Variants in XCR1 observed in about 807,000 individuals in gnomAD.
The protein encoded by XCR1 is chemokine XC receptor 1.
For missense variants in XCR1, 356 were observed against 424.2 expected, an observed-to-expected ratio of 0.84 and a Z score of 1.41; for synonymous variants, 187 against 188.5, an observed-to-expected ratio of 0.99 and a Z score of 0.06.
At chr3:46,029,766 G>A (rs72887154), upstream of XCR1, among the ~76,000 whole-genome samples, 13,245 of 152,204 alleles carry the variant, frequency 0.087, 1,957 homozygotes, top group African/African-American at 0.3. Flanking sequence ...GAGTATTGCC[G>A]TTTTAACAAT....
At chr3:46,070,868 T>C (rs1050019033) in intron 3 of XCR1, among the ~76,000 whole-genome samples, 10 of 152,164 alleles carry the variant, frequency 6.6e-5, no homozygotes, top group Admixed American at 5.2e-4. Flanking sequence ...GTCTGTTGTC[T>C]TTGTGGTTTG....
chr3:46,033,597 T>C (rs1697347052), intron 5 of XCR1, among the ~76,000 whole-genome samples: 1 of 152,230 alleles, frequency 6.6e-6, no homozygotes, highest in African/African-American at 2.4e-5. Context: ...TAAAGTTTGG[T>C]AATGCTAGGC....
intron 5 of XCR1, among the ~76,000 whole-genome samples, chr3:46,040,753 C>T (rs1575419511): frequency 6.6e-6 from 1 of 152,112 alleles, no homozygotes; most frequent in African/African-American, 2.4e-5. Flanking sequence ...TTATAATCAG[C>T]TTCAGTCTAG....
chr3:46,052,702 C>A (rs1294618015), intron 5 of XCR1, among the ~76,000 whole-genome samples: 1 of 152,176 alleles, frequency 6.6e-6, no homozygotes, highest in East Asian at 1.9e-4. Flanking sequence ...TTCCCAAGTT[C>A]TTTGTACACC....
chr3:46,063,111 T>C (rs1697996412), intron 4 of XCR1, among the ~76,000 whole-genome samples: 1 of 152,206 alleles, frequency 6.6e-6, no homozygotes, highest in African/African-American at 2.4e-5. Context: ...ATTATTATCC[T>C]AGCTGCTATA....
chr3:46,066,844 G>A (rs1698086048), intron 4 of XCR1, among the ~76,000 whole-genome samples: 1 of 152,212 alleles, frequency 6.6e-6, no homozygotes, highest in African/African-American at 2.4e-5. Context: ...TTATAACACC[G>A]ACTTTACTGA....
At chr3:46,042,223 A>G (rs539800754) in intron 5 of XCR1, among the ~76,000 whole-genome samples, 1 of 152,342 alleles carries the variant, frequency 6.6e-6, no homozygotes, top group East Asian at 1.9e-4. Flanking sequence ...TATAAAGAAG[A>G]AATATCTCAA....
rs370879585 is a variant in XCR1, at chr3:46,021,560, A to C, written c.388T>G (p.Ser130Ala). 8.8e-5 allele frequency: 141 copies of C among 1,610,926 alleles called. 1 individual carries two copies. The East Asian group carries it at 2.0e-3, about 22-fold the overall frequency. The change falls in exon 2 of 2, where the codon TCG (serine) becomes GCG (alanine). Residue 130 changes from serine to alanine, a missense_variant. By Grantham distance (99) the Ser-to-Ala change is moderately conservative. Coordinates refer to ENST00000309285, the MANE Select transcript of XCR1 (RefSeq NM_001024644.2). The surrounding 1 kb of genome is among the most constrained non-coding windows in gnomAD (Gnocchi z 4.7). Reference protein sequence around the residue: ...LTIMTIHRYLSVVSPLSTLRV... With the variant: ...LTIMTIHRYLAVVSPLSTLRV... ...AGGGTGGAGAGGGGGCTCACTACCG[A>C]CAGGTAGCGGTGGATGGTCATGATG...
At chr3:46,026,021 C>T (rs1256726121) in intron 1 of XCR1, among the ~76,000 whole-genome samples, 1 of 152,028 alleles carries the variant, frequency 6.6e-6, no homozygotes, top group Non-Finnish European at 1.5e-5. Flanking sequence ...TGTTTTAATA[C>T]ATGAAAATCA....
intron 5 of XCR1, among the ~76,000 whole-genome samples, chr3:46,038,029 TG>T (rs1697467391): frequency 2.8e-5 from 3 of 108,198 alleles, no homozygotes; most frequent in African/African-American, 1.9e-4. Context: ...GTTTGTTTTT[TG>T]TTTTTTTTTT....
chr3:46,020,193 G>A lies in XCR1; in HGVS notation c.*753C>T, dbSNP rs1196636995. 1 of 152,282 alleles carries A rather than the reference G, an allele frequency of 6.6e-6. No homozygotes were observed. Among genetic ancestry groups the A allele is most frequent in the Non-Finnish European group, 1.5e-5 (1 of 68,074 alleles). 9.4% of individuals were successfully genotyped at this position (152,282 alleles called of 1,614,324 possible). ...AAGGTAGGTGAGCCTTTGGAGCTGG[G>A]CTGTTGGCCCCTGGAGGGTAGCAAC... On this transcript the variant is annotated 3_prime_UTR_variant, in exon 2 of 2. Coordinates refer to ENST00000309285, the MANE Select transcript of XCR1 (RefSeq NM_001024644.2).
intron 3 of XCR1, among the ~76,000 whole-genome samples, chr3:46,073,257 T>C (rs1698192690): frequency 6.6e-6 from 1 of 152,078 alleles, no homozygotes; most frequent in South Asian, 2.1e-4. Flanking sequence ...AAGACAAAAA[T>C]AGACAAGTGG....
At chr3:46,031,118 A>G (rs1051103249), upstream of XCR1, among the ~76,000 whole-genome samples, 1 of 152,112 alleles carries the variant, frequency 6.6e-6, no homozygotes, top group Non-Finnish European at 1.5e-5. Context: ...TTGGTGGGAC[A>G]CGGAACTCCC....
At position 46,021,672 on chromosome 3, in the gene XCR1, G is replaced by T; in HGVS notation, c.276C>A (p.His92Gln). The T allele has an allele frequency of 1.2e-6, 2 of 1,613,026 alleles. No individual in the cohort carries two copies. The highest frequency in any genetic ancestry group is 1.7e-6 in the Non-Finnish European group (2 of 1,179,660). Residue 92 changes from histidine to glutamine, a missense_variant, in exon 2 of 2, where the codon CAC (histidine) becomes CAA (glutamine). Transcript: ENST00000309285. The surrounding 1 kb of genome is among the most constrained non-coding windows in gnomAD (Gnocchi z 4.7). The part of the protein sequence containing the change: ...CLLPVWISPY[H>Q]WGWVLGDFLC... ...GGAAGTCTCCCAGCACCCAGCCCCA[G>T]TGGTATGGGGAGATCCACACAGGCA...
At chr3:46,055,016 G>A (rs1034229625) in intron 4 of XCR1, among the ~76,000 whole-genome samples, 7 of 152,218 alleles carry the variant, frequency 4.6e-5, no homozygotes, top group Admixed American at 2.6e-4. Flanking sequence ...AGGGTGGGAG[G>A]AAGAAGGTCT....
upstream of XCR1, among the ~76,000 whole-genome samples, chr3:46,031,707 G>A (rs537236819): frequency 1.3e-5 from 2 of 152,352 alleles, no homozygotes; most frequent in South Asian, 4.1e-4. Flanking sequence ...AACCACAGGG[G>A]GACCTTTTGG....
intron 5 of XCR1, among the ~76,000 whole-genome samples, chr3:46,046,424 T>C (rs1697628607): frequency 6.6e-6 from 1 of 152,212 alleles, no homozygotes; most frequent in Admixed American, 6.5e-5. Context: ...AGGAACTCAG[T>C]GCCAGGAAGT....
intron 3 of XCR1, among the ~76,000 whole-genome samples, chr3:46,074,514 A>G (rs1698225156): frequency 6.6e-6 from 1 of 152,140 alleles, no homozygotes; most frequent in South Asian, 2.1e-4. Context: ...TTTAATGGGT[A>G]CAATGTACAT....
At chr3:46,043,731 C>T (rs954614281) in intron 5 of XCR1, among the ~76,000 whole-genome samples, 1 of 90,662 alleles carries the variant, frequency 1.1e-5, no homozygotes, top group African/African-American at 7.0e-5. Context: ...CACACACACA[C>T]ACACACACAC....
Sources: allele counts gnomAD v4.1 joint callset (sites outside exome capture counted in the v4.1 genomes callset), GRCh38; gene constraint gnomAD v4.1.1; non-coding constraint Gnocchi (gnomAD v3.1); transcripts MANE v1.5; gene names NCBI Gene and HGNC (gene_info 2026-07-23, HGNC 2026-07-21).